SLX4IP: variants seen among roughly 807,000 people sequenced by gnomAD.
SLX4IP encodes protein SLX4IP.
A neutral mutation model predicts 32.9 loss-of-function variants in SLX4IP; 34 were observed. The ratio of observed to expected loss-of-function variants is 1.03; its 90% CI spans 0.79 to 1.38. The LOEUF (loss-of-function observed/expected upper bound fraction) is 1.38, where lower values mean the gene tolerates loss of function less well. Ranked by LOEUF, SLX4IP falls within the 40% of genes most tolerant of loss-of-function variation. SLX4IP has a pLI of 0.00. For synonymous variants in SLX4IP, 172 were observed against 171.7 expected (o/e 1.00, Z -0.01); for missense variants, 444 against 479.0 (o/e 0.93, Z 0.68).
rs1273294085 is a variant in SLX4IP at position 10,613,581 on chromosome 20, A to T, written c.406-7733A>T. On this transcript the variant is annotated intron_variant, in intron 6 of 7. Transcript: ENST00000334534. ...CTGAATGGCTGCCTTCAGGCTATCC[A>T]CGCCTTCATCAAGCCCCAACTCCTT... 7 of 1,612,504 alleles carry T rather than the reference A, an allele frequency of 4.3e-6. No individual in the cohort carries two copies. The Admixed American group carries it at 1.2e-4, about 27-fold the overall frequency.
At chr20:10,470,320 C>T (rs553114789) in intron 2 of SLX4IP, among the ~76,000 whole-genome samples, 2 of 152,254 alleles carry the variant, frequency 1.3e-5, no homozygotes, top group African/African-American at 2.4e-5. Flanking sequence ...CCAGAGAATT[C>T]CATGGAAATG....
chr20:10,625,465 T>C lies in SLX4IP; in HGVS notation c.*2086T>C, dbSNP rs2067162032. On this transcript the variant is annotated 3_prime_UTR_variant, in exon 8 of 8. Transcript: ENST00000334534. ...GAGAACATTTCTATTGAGAAGTTTT[T>C]ATTTGTTTGTTCTGTTGGTTTTTTG... The C allele has an allele frequency of 6.6e-6, 1 of 152,236 alleles. No homozygotes were observed. Among genetic ancestry groups the C allele is most frequent in the Admixed American group, 6.5e-5 (1 of 15,288 alleles). The allele number at this position is 152,236 out of a possible 1,614,324, so 9.4% of individuals were successfully genotyped here.
chr20:10,621,515 C>T, intron 7 of SLX4IP, 101 bp downstream of exon 7: 1 of 987,352 alleles, frequency 1.0e-6, no homozygotes, highest in Non-Finnish European at 1.6e-6. Flanking sequence ...AACTGAAGCA[C>T]AAACTCCCCT....
intron 5 of SLX4IP, among the ~76,000 whole-genome samples, chr20:10,600,769 G>A (rs950444782): frequency 7.9e-5 from 12 of 152,074 alleles, no homozygotes; most frequent in Admixed American, 1.3e-4. Flanking sequence ...CATGTAAGAG[G>A]GAAGCTTTCT....
intron 4 of SLX4IP, among the ~76,000 whole-genome samples, chr20:10,566,975 A>G (rs900016003): frequency 1.3e-5 from 2 of 152,104 alleles, no homozygotes; most frequent in Non-Finnish European, 2.9e-5. Context: ...TCATCTACCC[A>G]CCATCACTGG....
At chr20:10,539,126 A>G (rs1161738879) in intron 2 of SLX4IP, among the ~76,000 whole-genome samples, 1 of 152,246 alleles carries the variant, frequency 6.6e-6, no homozygotes, top group Non-Finnish European at 1.5e-5. Flanking sequence ...TAAAGTTTAC[A>G]CTTGTCACAT....
At chr20:10,518,767 G>C (rs1329251927) in intron 2 of SLX4IP, among the ~76,000 whole-genome samples, 12 of 151,642 alleles carry the variant, frequency 7.9e-5, no homozygotes, top group Non-Finnish European at 1.5e-4. Context: ...ACGGGGTTTG[G>C]CTATGTAACT....
chr20:10,504,777 T>C (rs1047822328), intron 2 of SLX4IP, among the ~76,000 whole-genome samples: 1 of 151,710 alleles, frequency 6.6e-6, no homozygotes, highest in Non-Finnish European at 1.5e-5. Flanking sequence ...TAGGGAAGAG[T>C]ACGCAACACA....
At chr20:10,598,507 G>T (rs1305074657) in intron 4 of SLX4IP, among the ~76,000 whole-genome samples, 168 bp from the exon 5 acceptor site, 1 of 152,160 alleles carries the variant, frequency 6.6e-6, no homozygotes, top group Admixed American at 6.5e-5. Flanking sequence ...CAAGTGATCC[G>T]CCTGCCTCGG....
chr20:10,524,790 G>A (rs1826098303), intron 2 of SLX4IP, among the ~76,000 whole-genome samples: 2 of 152,172 alleles, frequency 1.3e-5, no homozygotes, highest in South Asian at 4.1e-4. Context: ...TCGAAAATGA[G>A]GTAATGATTC....
chr20:10,473,935 G>A (rs2065450437), intron 2 of SLX4IP, among the ~76,000 whole-genome samples: 1 of 151,996 alleles, frequency 6.6e-6, no homozygotes. Context: ...CGATTCTCCT[G>A]CTTCAGCCTT....
At chr20:10,596,254 T>A (rs1348509798) in intron 4 of SLX4IP, among the ~76,000 whole-genome samples, 2 of 152,124 alleles carry the variant, frequency 1.3e-5, no homozygotes, top group Admixed American at 1.3e-4. Context: ...AGATGGGGTC[T>A]TGCTTTGTCG....
At chr20:10,522,679 T>C (rs1290242286) in intron 2 of SLX4IP, among the ~76,000 whole-genome samples, 1 of 152,196 alleles carries the variant, frequency 6.6e-6, no homozygotes. Flanking sequence ...GGTCATCTCA[T>C]GCGCTTACAT....
Position 10,560,760 on chromosome 20 carries a change from C to T in SLX4IP, c.178C>T (p.Arg60Cys), listed in dbSNP as rs780563280. The change falls in exon 4 of 8, where the codon CGC (arginine) becomes TGC (cysteine). Residue 60 changes from arginine (R) to cysteine (C), a missense_variant. Transcript: ENST00000334534. ...AAGAGTTCAGGAGTACTTGGAAGTT[C>T]GCAAACAGCACAGGCCATCAAATGC... ...DSRVQEYLEV[R>C]KQHRPSNAEF... 1.3e-5 allele frequency: 21 copies of T among 1,607,906 alleles called. No individual in the cohort carries two copies. The highest frequency in any genetic ancestry group is 8.9e-5 in the South Asian group (8 of 90,172).
chr20:10,479,395 C>T (rs1165778044), intron 2 of SLX4IP, among the ~76,000 whole-genome samples: 1 of 144,168 alleles, frequency 6.9e-6, no homozygotes, highest in Non-Finnish European at 1.5e-5. Context: ...CTCTGTCACC[C>T]AGGCTGGAGT....
chr20:10,569,836 G>T (rs141296252), intron 4 of SLX4IP, among the ~76,000 whole-genome samples: 6 of 152,254 alleles, frequency 3.9e-5, no homozygotes, highest in East Asian at 3.9e-4. Flanking sequence ...TTCTTATGAG[G>T]ATGCCAGTTA....
At chr20:10,476,971 T>G (rs1404142296) in intron 2 of SLX4IP, among the ~76,000 whole-genome samples, 1 of 152,236 alleles carries the variant, frequency 6.6e-6, no homozygotes, top group African/African-American at 2.4e-5. Context: ...TTTCCAAATT[T>G]CAGCAAAACC....
intron 4 of SLX4IP, among the ~76,000 whole-genome samples, chr20:10,586,664 G>A (rs1052242332): frequency 8.6e-5 from 13 of 151,912 alleles, no homozygotes; most frequent in African/African-American, 2.9e-4. Context: ...ATTAGGAATA[G>A]AAGTATTAGT....
intron 4 of SLX4IP, among the ~76,000 whole-genome samples, chr20:10,583,239 G>A (rs991598683): frequency 1.3e-5 from 2 of 152,148 alleles, no homozygotes; most frequent in African/African-American, 4.8e-5. Flanking sequence ...TAAAAGAGAA[G>A]TGATTTTTAA....
Sources: allele counts gnomAD v4.1 joint callset (sites outside exome capture counted in the v4.1 genomes callset), GRCh38; gene constraint gnomAD v4.1.1; transcripts MANE v1.5; gene names NCBI Gene and HGNC (gene_info 2026-07-23, HGNC 2026-07-21).